The following PTPRD variants were observed in gnomAD, a reference collection of about 807,000 sequenced individuals.
PTPRD encodes the protein protein tyrosine phosphatase receptor type D.
PTPRD carries 34 observed loss-of-function variants against 214.5 expected under a neutral mutation model. The observed-to-expected ratio is 0.16, with a 90% CI of 0.12 to 0.21. PTPRD has a LOEUF of 0.21. Ranked by LOEUF, PTPRD falls within the 10% of genes least tolerant of loss-of-function variation. The probability of loss-of-function intolerance (pLI) is 1.00; values close to 1 mark genes in which losing one functional copy is unlikely to be tolerated. For missense variants in PTPRD, 2,545 were observed against 2,398.7 expected (o/e 1.06, Z -1.27); for synonymous variants, 1,128 against 845.7 (o/e 1.33, Z -5.79).
chr9:10,195,873 C>G (rs2099396029), intron 3 of PTPRD, among the ~76,000 whole-genome samples: 1 of 152,008 alleles, frequency 6.6e-6, no homozygotes, highest in Non-Finnish European at 1.5e-5. Context: ...TTACAAAACA[C>G]TATGTTAAGT....
chr9:9,686,547 C>G (rs977700250), intron 7 of PTPRD, among the ~76,000 whole-genome samples: 1 of 151,492 alleles, frequency 6.6e-6, no homozygotes, highest in Non-Finnish European at 1.5e-5. Context: ...GAAGTCCAAA[C>G]AGTGGTCACC....
chr9:8,758,461 CTA>C (rs2094173566), intron 11 of PTPRD, among the ~76,000 whole-genome samples: 1 of 152,046 alleles, frequency 6.6e-6, no homozygotes, highest in Non-Finnish European at 1.5e-5. Context: ...AAATAAAAAG[CTA>C]TGAGTTTACA....
intron 7 of PTPRD, among the ~76,000 whole-genome samples, chr9:9,687,521 C>T (rs2097186730): frequency 7.1e-6 from 1 of 141,114 alleles, no homozygotes; most frequent in Admixed American, 7.8e-5. Context: ...ATAGGGAGAG[C>T]ATAGGGCAAT....
At chr9:10,315,487 A>T (rs145851066) in intron 3 of PTPRD, among the ~76,000 whole-genome samples, 17 of 152,078 alleles carry the variant, frequency 1.1e-4, no homozygotes, top group African/African-American at 3.9e-4. Context: ...TAGATTATTA[A>T]TTGGGGGTTA....
intron 14 of PTPRD, among the ~76,000 whole-genome samples, chr9:8,566,312 T>C (rs1054798723): frequency 5.3e-5 from 8 of 152,156 alleles, no homozygotes; most frequent in African/African-American, 1.9e-4. Flanking sequence ...TTTCGAAATC[T>C]GTACGAATAG....
At chr9:8,659,757 G>A (rs1028018) in intron 12 of PTPRD, among the ~76,000 whole-genome samples, 88,472 of 151,986 alleles carry the variant, frequency 0.58, 26,050 homozygotes, top group East Asian at 0.69. Context: ...GAATAAAGAA[G>A]GATTCCAAAT....
intron 11 of PTPRD, among the ~76,000 whole-genome samples, chr9:8,848,504 AT>A (rs34149878): frequency 0.29 from 35,694 of 124,852 alleles, 5,436 homozygotes; most frequent in East Asian, 0.58. Context: ...TCTGGCAAAT[AT>A]TTTTTTTTTT....
intron 3 of PTPRD, among the ~76,000 whole-genome samples, chr9:10,211,359 C>T (rs1261319884): frequency 6.6e-6 from 1 of 152,130 alleles, no homozygotes; most frequent in East Asian, 1.9e-4. Flanking sequence ...TCAGGTATGA[C>T]TTGGGCTAAA....
chr9:10,336,806 G>A (rs2096852337), intron 3 of PTPRD, among the ~76,000 whole-genome samples: 1 of 151,648 alleles, frequency 6.6e-6, no homozygotes, highest in Non-Finnish European at 1.5e-5. Context: ...GACCAGTAAT[G>A]AAATCTGGAA....
At chr9:10,434,341 T>A (rs2098703127) in intron 2 of PTPRD, among the ~76,000 whole-genome samples, 1 of 151,896 alleles carries the variant, frequency 6.6e-6, no homozygotes, top group Non-Finnish European at 1.5e-5. Context: ...AGATCAAAGA[T>A]TCCCGACTAC....
In PTPRD at chr9:9,002,431, C is replaced by T. The variant is rs374744800; in HGVS notation, c.-104+16266G>A. 6.6e-5 allele frequency among the ~76,000 whole-genome samples: 10 copies of T among 151,980 alleles called. No homozygotes were observed. In the South Asian group the frequency reaches 1.7e-3, roughly 25 times the overall value. ...CAAAATTCAACAGACGGATACACCA[C>T]TATTAGTGAAAAAATTGATTATTCT... On this transcript the variant is annotated intron_variant, in intron 11 of 45. Coordinates refer to ENST00000381196, the MANE Select transcript of PTPRD (RefSeq NM_002839.4).
chr9:8,767,794 T>G (rs1301363580), intron 11 of PTPRD, among the ~76,000 whole-genome samples: 1 of 152,192 alleles, frequency 6.6e-6, no homozygotes, highest in African/African-American at 2.4e-5. Flanking sequence ...TTTTGAAACT[T>G]ACCAGGTGAT....
At chr9:9,428,548 T>A (rs2081904850) in intron 8 of PTPRD, among the ~76,000 whole-genome samples, 1 of 152,076 alleles carries the variant, frequency 6.6e-6, no homozygotes, top group Admixed American at 6.6e-5. Flanking sequence ...CTGCACCAAG[T>A]GGACTTAATA....
intron 4 of PTPRD, among the ~76,000 whole-genome samples, chr9:9,991,840 AC>A (rs2095942145): frequency 7.8e-6 from 1 of 127,600 alleles, no homozygotes; most frequent in Non-Finnish European, 1.6e-5. Context: ...CACCACACAC[AC>A]ACACACACAC....
chr9:8,599,613 C>CCCCCCTCTT (rs2094698008), intron 14 of PTPRD, among the ~76,000 whole-genome samples: 1 of 53,428 alleles, frequency 1.9e-5, no homozygotes, highest in Admixed American at 2.1e-4. Flanking sequence ...CCCGCCCACC[C>CCCCCCTCTT]TTTTTTTTTT....
rs116699309 is a variant in PTPRD at position 10,116,093 on chromosome 9, G to T, written c.-544-82303C>A. Among the ~76,000 whole-genome samples, 1,138 of 152,180 alleles carry T rather than the reference G, an allele frequency of 7.5e-3. 11 individuals are homozygous for T. Among genetic ancestry groups the T allele is most frequent in the African/African-American group, 0.02 (844 of 41,538 alleles). On this transcript the variant is annotated intron_variant, in intron 3 of 45. Coordinates refer to ENST00000381196, the MANE Select transcript of PTPRD (RefSeq NM_002839.4). ...TTTATAATTATATCAGGCTTAACAA[G>T]CGGGAGTAAAGTTCAACATAAACAA...
chr9:9,012,470 T>C (rs920754121), intron 11 of PTPRD, among the ~76,000 whole-genome samples: 1 of 152,138 alleles, frequency 6.6e-6, no homozygotes, highest in African/African-American at 2.4e-5. Context: ...TTAAGATGAC[T>C]GTAGAAGCAA....
At chr9:9,985,045 C>G (rs1226149414) in intron 4 of PTPRD, among the ~76,000 whole-genome samples, 1 of 152,160 alleles carries the variant, frequency 6.6e-6, no homozygotes, top group Non-Finnish European at 1.5e-5. Flanking sequence ...AAATATGTTT[C>G]ACATGGCAAC....
intron 14 of PTPRD, among the ~76,000 whole-genome samples, chr9:8,577,263 ATTTAT>A (rs1044234961): frequency 2.0e-5 from 3 of 151,762 alleles, no homozygotes; most frequent in East Asian, 1.9e-4. Context: ...TTATTTATTT[ATTTAT>A]TTTGAGATGG....
Sources: allele counts gnomAD v4.1 joint callset (sites outside exome capture counted in the v4.1 genomes callset), GRCh38; gene constraint gnomAD v4.1.1; transcripts MANE v1.5; gene names NCBI Gene and HGNC (gene_info 2026-07-23, HGNC 2026-07-21).